Variants in C3orf33 observed in about 807,000 individuals in gnomAD.
C3orf33 encodes the protein AP-1 activity suppressor.
A neutral mutation model predicts 28.7 loss-of-function variants in C3orf33; 23 were observed. The ratio of observed to expected loss-of-function variants is 0.80; its 90% CI spans 0.58 to 1.13. C3orf33 has a LOEUF of 1.13. Ranked by LOEUF, C3orf33 falls within the 50% of genes most tolerant of loss-of-function variation. The pLI, the probability that C3orf33 is intolerant of heterozygous loss-of-function variation, is 0.00. For missense variants in C3orf33, 327 were observed against 353.4 expected (o/e 0.93, Z 0.60); for synonymous variants, 119 against 120.5 (o/e 0.99, Z 0.08).
In C3orf33 at chr3:155,804,473, T is replaced by C. The variant is rs1751757268; in HGVS notation, c.114+1666A>G. ...ACTCTAAGAACTGGGGCTACAATGA[T>C]GAGTGAAAACAGGCATGGCTTTGGA... On this transcript the variant is annotated intron_variant, in intron 1 of 4. Coordinates refer to ENST00000340171, the MANE Select transcript of C3orf33 (RefSeq NM_001308229.2). Among the ~76,000 whole-genome samples, 3 of 152,340 alleles carry C rather than the reference T, an allele frequency of 2.0e-5. No individual in the cohort carries two copies. In the South Asian group the frequency reaches 6.2e-4, roughly 32 times the overall value.
chr3:155,777,482 C>A (rs1750788749), intron 2 of C3orf33, among the ~76,000 whole-genome samples: 1 of 151,710 alleles, frequency 6.6e-6, no homozygotes, highest in African/African-American at 2.4e-5. Context: ...GCTCTGTGGC[C>A]CAGGCTGCAG....
intron 3 of C3orf33, among the ~76,000 whole-genome samples, chr3:155,769,946 T>G (rs1750531522): frequency 6.6e-6 from 1 of 152,244 alleles, no homozygotes; most frequent in African/African-American, 2.4e-5. Flanking sequence ...AATTGGTTTT[T>G]GCACTGTCAT....
intron 2 of C3orf33, among the ~76,000 whole-genome samples, chr3:155,778,591 T>G (rs1408630866): frequency 1.3e-5 from 2 of 152,174 alleles, no homozygotes. Context: ...ACTGTCAATA[T>G]TCACTCAAGA....
chr3:155,766,191 C>T (rs1409453670), intron 4 of C3orf33, among the ~76,000 whole-genome samples: 1 of 152,072 alleles, frequency 6.6e-6, no homozygotes, highest in Non-Finnish European at 1.5e-5. Context: ...ACTGTACCCT[C>T]ATAATTATAA....
At chr3:155,790,466 T>A (rs78787849) in intron 2 of C3orf33, among the ~76,000 whole-genome samples, 2,424 of 152,110 alleles carry the variant, frequency 0.016, 29 homozygotes, top group South Asian at 0.04. Context: ...TCATGGATCA[T>A]CCTCCCCACA....
Position 155,775,691 on chromosome 3 carries a change from C to A in C3orf33, c.322+10G>T. On this transcript the variant is annotated intron_variant, in intron 3 of 4. Coordinates refer to ENST00000340171, the MANE Select transcript of C3orf33 (RefSeq NM_001308229.2). ...AATAGTTAGTTTCATTAATCTTGTA[C>A]CTTACTTACTTCTCAATGAAGCTAT... is the stretch of plus-strand genomic sequence containing the variant. 1 of 1,497,276 alleles carries A rather than the reference C, an allele frequency of 6.7e-7. No homozygotes were observed. Among genetic ancestry groups the A allele is most frequent in the Non-Finnish European group, 9.1e-7 (1 of 1,096,792 alleles). The allele number at this position is 1,497,276 out of a possible 1,614,324, so 92.7% of individuals were successfully genotyped here.
At chr3:155,802,438 A>G in intron 2 of C3orf33, 94 bp downstream of exon 2, 2 of 885,740 alleles carry the variant, frequency 2.3e-6, no homozygotes, top group Non-Finnish European at 3.6e-6. Flanking sequence ...CAATACGAGT[A>G]ACAATATGAT....
At chr3:155,770,874 G>A (rs358731) in intron 3 of C3orf33, among the ~76,000 whole-genome samples, 30,416 of 151,452 alleles carry the variant, frequency 0.2, 3,608 homozygotes, top group East Asian at 0.49. Context: ...GGGTTTTGCC[G>A]TATTTGCCAG....
At chr3:155,764,718 C>T (rs113257374) in intron 4 of C3orf33, among the ~76,000 whole-genome samples, 3,631 of 151,650 alleles carry the variant, frequency 0.024, 144 homozygotes, top group African/African-American at 0.083. Context: ...TAGCCGGGTG[C>T]GATGGCAGGT....
intron 2 of C3orf33, among the ~76,000 whole-genome samples, chr3:155,800,339 C>T (rs1751603871): frequency 6.6e-6 from 1 of 152,020 alleles, no homozygotes; most frequent in Non-Finnish European, 1.5e-5. Context: ...TGCAGTGGCT[C>T]ATGTCTGTAA....
Position 155,763,852 on chromosome 3 carries a change from C to G in C3orf33, c.550G>C (p.Val184Leu), listed in dbSNP as rs1313879780. 1.4e-5 allele frequency: 22 copies of G among 1,545,010 alleles called. No homozygotes were observed. Among genetic ancestry groups the G allele is most frequent in the Non-Finnish European group, 1.7e-5 (20 of 1,153,082 alleles). ...LRRGLGKTVL[V>L]KGLKYDSKIY... ...TTAGAATCATATTTAAGCCCTTTAA[C>G]AAGAACAGTTTTGCCAAGGCCTCTT... Residue 184 changes from valine to leucine, a missense_variant, in exon 5 of 5, where the codon GTT becomes CTT. Transcript: ENST00000340171.
chr3:155,782,020 G>A (rs1014838667), intron 2 of C3orf33, among the ~76,000 whole-genome samples: 2 of 151,822 alleles, frequency 1.3e-5, no homozygotes, highest in Admixed American at 1.3e-4. Flanking sequence ...AGGTTGCAGT[G>A]AGCCAACATG....
At chr3:155,789,495 T>A (rs927069559) in intron 2 of C3orf33, among the ~76,000 whole-genome samples, 1 of 152,126 alleles carries the variant, frequency 6.6e-6, no homozygotes, top group African/African-American at 2.4e-5. Context: ...AGACATCCCA[T>A]GTTTATGGAC....
intron 2 of C3orf33, among the ~76,000 whole-genome samples, chr3:155,793,110 A>G (rs113319863): frequency 0.024 from 3,617 of 152,030 alleles, 137 homozygotes; most frequent in African/African-American, 0.082. Context: ...ATACAATGGC[A>G]CTCCAATACA....
At chr3:155,784,156 C>T (rs1751029476) in intron 2 of C3orf33, among the ~76,000 whole-genome samples, 1 of 152,024 alleles carries the variant, frequency 6.6e-6, no homozygotes, top group African/African-American at 2.4e-5. Flanking sequence ...TCAAGAACTC[C>T]CAACCTCAGG....
intron 3 of C3orf33, among the ~76,000 whole-genome samples, chr3:155,775,454 A>C (rs1290698032): frequency 6.7e-6 from 1 of 150,260 alleles, no homozygotes; most frequent in Non-Finnish European, 1.5e-5. Flanking sequence ...GCACCATTGC[A>C]CTCCAGCCTG....
At chr3:155,775,455 C>G (rs1320860413) in intron 3 of C3orf33, among the ~76,000 whole-genome samples, 1 of 150,080 alleles carries the variant, frequency 6.7e-6, no homozygotes, top group Non-Finnish European at 1.5e-5. Context: ...CACCATTGCA[C>G]TCCAGCCTGG....
chr3:155,774,487 C>A (rs1750679775), intron 3 of C3orf33, among the ~76,000 whole-genome samples: 1 of 152,010 alleles, frequency 6.6e-6, no homozygotes, highest in South Asian at 2.1e-4. Flanking sequence ...GCAGGAAGGT[C>A]TGTGTGTCTG....
rs141680130 is a variant in C3orf33 at position 155,771,798 on chromosome 3, T to C, written c.322+3903A>G. On this transcript the variant is annotated intron_variant, in intron 3 of 4. Transcript: ENST00000340171. Reference sequence around the variant, plus strand: ...AAATCTTTTATACAAACATCAAAAATAAATAAGTAAATAAAACCCAATTCA... The same window carrying C: ...AAATCTTTTATACAAACATCAAAAACAAATAAGTAAATAAAACCCAATTCA... Among the ~76,000 whole-genome samples, 18 of 152,186 alleles carry C rather than the reference T, an allele frequency of 1.2e-4. No individual in the cohort carries two copies. In the East Asian group the frequency reaches 3.5e-3, roughly 29 times the overall value.
Sources: gnomAD v4.1 joint callset for allele counts (sites outside exome capture counted in the v4.1 genomes callset) on GRCh38, gnomAD v4.1.1 for gene constraint, MANE v1.5 for transcripts, NCBI Gene and HGNC (gene_info 2026-07-23, HGNC 2026-07-21) for gene names.